OR2L13: variants seen among roughly 807,000 people sequenced by gnomAD.
The protein encoded by OR2L13 is olfactory receptor family 2 subfamily L member 13.
Under a neutral mutation model 15.3 loss-of-function variants are expected in OR2L13, and 14 were observed. The observed-to-expected ratio is 0.91, with a 90% CI of 0.60 to 1.43. The LOEUF (loss-of-function observed/expected upper bound fraction) is 1.43. Ranked by LOEUF, OR2L13 falls within the 40% of genes most tolerant of loss-of-function variation. OR2L13 has a pLI of 0.00. For synonymous variants in OR2L13, 152 were observed against 142.9 expected, an observed-to-expected ratio of 1.06 and a Z score of -0.45; for missense variants, 367 against 387.9, an observed-to-expected ratio of 0.95 and a Z score of 0.45.
At chr1:248,043,696 G>T in the OR2L13 span, among the ~76,000 whole-genome samples, 1 of 152,148 alleles carries the variant, frequency 6.6e-6, no homozygotes, top group African/African-American at 2.4e-5. Context: ...CAGGTCCCCA[G>T]TGCAAAGCAA....
chr1:247,949,855 T>C, the OR2L13 span: 7 of 1,342,794 alleles, frequency 5.2e-6, no homozygotes, highest in Non-Finnish European at 7.1e-6. Flanking sequence ...CAGTGTATAG[T>C]AATTAAAATA....
chr1:247,983,342 A>G, the OR2L13 span, among the ~76,000 whole-genome samples: 1 of 152,172 alleles, frequency 6.6e-6, no homozygotes, highest in Admixed American at 6.5e-5. Flanking sequence ...CCCGGGTTGA[A>G]TGTTTGGTTT....
the OR2L13 span, among the ~76,000 whole-genome samples, chr1:248,036,873 A>G: frequency 1.1e-4 from 16 of 152,164 alleles, 1 homozygote; most frequent in Admixed American, 3.9e-4. Flanking sequence ...ATGGATCTTA[A>G]CAAAAAATTG....
chr1:247,999,831 C>G, the OR2L13 span, among the ~76,000 whole-genome samples: 1 of 152,190 alleles, frequency 6.6e-6, no homozygotes, highest in African/African-American at 2.4e-5. Flanking sequence ...GAGTCAATGA[C>G]TTCACTGCCA....
the OR2L13 span, chr1:248,023,623 G>C: frequency 3.9e-5 from 6 of 152,154 alleles, no homozygotes; most frequent in Admixed American, 1.3e-4. Flanking sequence ...TTCAAAATCA[G>C]CAAGTCTATA....
chr1:248,083,700 AG>A, the OR2L13 span: 1 of 1,610,028 alleles, frequency 6.2e-7, no homozygotes, highest in East Asian at 2.2e-5. Context: ...CCACCGTTTC[AG>A]GGCTTCCTTG....
At chr1:248,048,984 T>C in the OR2L13 span, among the ~76,000 whole-genome samples, 1 of 150,956 alleles carries the variant, frequency 6.6e-6, no homozygotes, top group African/African-American at 2.5e-5. Context: ...TCATACCAAC[T>C]TTAAGGAGAC....
At chr1:248,009,339 A>T in the OR2L13 span, among the ~76,000 whole-genome samples, 1 of 152,282 alleles carries the variant, frequency 6.6e-6, no homozygotes, top group East Asian at 1.9e-4. Flanking sequence ...GATAAAGGGG[A>T]TATCACCACT....
the OR2L13 span, among the ~76,000 whole-genome samples, chr1:248,078,244 A>G: frequency 6.6e-6 from 1 of 152,116 alleles, no homozygotes; most frequent in Non-Finnish European, 1.5e-5. Context: ...GCATTTTGGG[A>G]GGCTGAGGCG....
the OR2L13 span, among the ~76,000 whole-genome samples, chr1:247,995,993 AC>A: frequency 6.6e-6 from 1 of 152,134 alleles, no homozygotes; most frequent in Non-Finnish European, 1.5e-5. Context: ...TCGCTTCTCC[AC>A]CAATCAGCAA....
At chr1:248,098,272 AG>A (rs1172024896) in intron 1 of OR2L13, among the ~76,000 whole-genome samples, 7 of 152,206 alleles carry the variant, frequency 4.6e-5, no homozygotes, top group African/African-American at 1.7e-4. Flanking sequence ...TCATCACCAA[AG>A]CACATCAGTA....
chr1:247,968,349 A>AT, the OR2L13 span, among the ~76,000 whole-genome samples: 93 of 151,770 alleles, frequency 6.1e-4, 2 homozygotes, highest in East Asian at 9.9e-3. Flanking sequence ...TTATTTATTT[A>AT]TTTTTTTTAG....
At chr1:247,980,323 G>A in the OR2L13 span, among the ~76,000 whole-genome samples, 7 of 152,056 alleles carry the variant, frequency 4.6e-5, no homozygotes, top group African/African-American at 1.7e-4. Context: ...ACTCCAATAT[G>A]TGATATTTTA....
the OR2L13 span, chr1:247,990,839 C>T: frequency 6.3e-7 from 1 of 1,581,608 alleles, no homozygotes. Context: ...TGCACGGATA[C>T]CTGGGTCTAT....
the OR2L13 span, chr1:248,003,447 T>C: frequency 6.2e-7 from 1 of 1,609,154 alleles, no homozygotes; most frequent in Non-Finnish European, 8.5e-7. Flanking sequence ...TTCACGACTT[T>C]AGCCGTTGTA....
the OR2L13 span, among the ~76,000 whole-genome samples, chr1:248,009,627 A>G: frequency 5.7e-3 from 874 of 152,260 alleles, 13 homozygotes; most frequent in Middle Eastern, 0.024. Flanking sequence ...CTTCTGAAAC[A>G]GTTTCAGACA....
the OR2L13 span, chr1:248,039,016 A>G: frequency 5.8e-4 from 937 of 1,614,130 alleles, 8 homozygotes; most frequent in African/African-American, 0.011. Context: ...GTGTCCTTCT[A>G]CTATGCACCC....
intron 1 of OR2L13, among the ~76,000 whole-genome samples, chr1:248,097,831 A>G (rs1664769811): frequency 1.3e-5 from 2 of 152,222 alleles, no homozygotes; most frequent in South Asian, 2.1e-4. Context: ...TTTCCAGGAC[A>G]TGTTGGGCAT....
At chr1:248,053,462 A>G in the OR2L13 span, among the ~76,000 whole-genome samples, 3 of 152,326 alleles carry the variant, frequency 2.0e-5, no homozygotes, top group Non-Finnish European at 2.9e-5. Context: ...TCCTTTGGGT[A>G]TACACCCAGT....
Sources: gnomAD v4.1 joint callset for allele counts (sites outside exome capture counted in the v4.1 genomes callset) on GRCh38, gnomAD v4.1.1 for gene constraint, MANE v1.5 for transcripts, NCBI Gene and HGNC (gene_info 2026-07-23, HGNC 2026-07-21) for gene names.